The following CEP95 variants were observed in gnomAD, a reference collection of about 807,000 sequenced individuals.
CEP95 encodes centrosomal protein 95.
A neutral mutation model predicts 111.2 loss-of-function variants in CEP95; 98 were observed. That is an observed-to-expected ratio of 0.88 (90% CI 0.75 to 1.04). The LOEUF is 1.04. Ranked by LOEUF, CEP95 falls within the 50% of genes least tolerant of loss-of-function variation. The pLI is 0.00. For synonymous variants in CEP95, 323 were observed against 327.1 expected, an observed-to-expected ratio of 0.99 and a Z score of 0.14; for missense variants, 1,027 against 977.2, an observed-to-expected ratio of 1.05 and a Z score of -0.68.
Position 64,507,796 on chromosome 17 carries a change from G to A in CEP95, c.19+680G>A, listed in dbSNP as rs188528053. On this transcript the variant is annotated intron_variant, in intron 1 of 19. Transcript: ENST00000556440. ...CAGAACGTTACGTGTCCAGAACATA[G>A]TGGAGATGTTTGTTTCTAATACCGA... is the stretch of plus-strand genomic sequence containing the variant. 167 of 985,446 alleles carry A rather than the reference G, an allele frequency of 1.7e-4. No homozygotes were observed. The African/African-American group carries it at 2.6e-3, about 15-fold the overall frequency. 61.0% of individuals were successfully genotyped at this position (985,446 alleles called of 1,614,324 possible).
Position 64,509,762 on chromosome 17 carries a change from G to A in CEP95, c.149-411G>A, listed in dbSNP as rs114573059. Among the ~76,000 whole-genome samples, 348 of 151,384 alleles carry A rather than the reference G, an allele frequency of 2.3e-3. 1 individual carries two copies. Among genetic ancestry groups the A allele is most frequent in the African/African-American group, 8.1e-3 (336 of 41,312 alleles). ...TGCCTGCTGTGTTTTTTTTTTCTTC[G>A]TAGAAAGTAGCCCATAGTTATGGGT... On this transcript the variant is annotated intron_variant, in intron 2 of 19. Transcript: ENST00000556440.
At chr17:64,514,216 A>C (rs1359557702) in intron 3 of CEP95, 32 bp from the exon 4 acceptor site, 3 of 858,734 alleles carry the variant, frequency 3.5e-6, no homozygotes, top group Non-Finnish European at 5.5e-6. Context: ...TTCATGGTTA[A>C]ATTTTTTAAT....
Position 64,506,987 on chromosome 17 carries a change from CTTTGGTT to C in CEP95, c.-110_-104del. The C allele has an allele frequency of 1.6e-6, 2 of 1,272,700 alleles. No homozygotes were observed. The highest frequency in any genetic ancestry group is 2.5e-5 in the South Asian group (2 of 78,482). The allele number at this position is 1,272,700 out of a possible 1,614,324, so 78.8% of individuals were successfully genotyped here. On this transcript the variant is annotated 5_prime_UTR_variant, in exon 1 of 20. Coordinates refer to ENST00000556440, the MANE Select transcript of CEP95 (RefSeq NM_138363.3). ...CTTCTTTCACGCCTCCTTCCCCGCG[CTTTGGTT>C]CGTGCGTCCGCGCCCCAGTGTCGGG...
chr17:64,536,249 G>A (rs1238245909), intron 17 of CEP95: 1 of 158,978 alleles, frequency 6.3e-6, no homozygotes, highest in East Asian at 1.8e-4. Context: ...GATTGCTTGG[G>A]ACCAGCCTGG....
intron 4 of CEP95, among the ~76,000 whole-genome samples, chr17:64,515,179 C>G (rs782107266): frequency 6.6e-6 from 1 of 152,156 alleles, no homozygotes; most frequent in African/African-American, 2.4e-5. Context: ...TTATAGGCGT[C>G]TGGGTACTCT....
chr17:64,509,842 G>A (rs980001134), intron 2 of CEP95, among the ~76,000 whole-genome samples: 13 of 151,410 alleles, frequency 8.6e-5, no homozygotes, highest in African/African-American at 3.2e-4. Flanking sequence ...TTGAATTTAG[G>A]GACCACTTTA....
intron 8 of CEP95, among the ~76,000 whole-genome samples, chr17:64,524,979 A>AAAAC (rs782000780): frequency 1.3e-5 from 2 of 152,000 alleles, no homozygotes; most frequent in African/African-American, 4.8e-5. Context: ...AAAAAACAAA[A>AAAAC]AAACAAACAA....
At chr17:64,519,700 A>G (rs1271506848) in intron 6 of CEP95, among the ~76,000 whole-genome samples, 3 of 152,220 alleles carry the variant, frequency 2.0e-5, no homozygotes, top group Admixed American at 6.5e-5. Flanking sequence ...AGAATTATGG[A>G]TGCAGCTTAT....
intron 16 of CEP95, 27 bp downstream of exon 16, chr17:64,533,218 T>C (rs1555680827): frequency 6.5e-7 from 1 of 1,546,746 alleles, no homozygotes; most frequent in Non-Finnish European, 8.8e-7. Flanking sequence ...TTGGGTATTA[T>C]AATTCTGAAT....
intron 17 of CEP95, 142 bp from the exon 18 acceptor site, chr17:64,536,460 G>A (rs1320063653): frequency 3.6e-6 from 2 of 561,956 alleles, no homozygotes; most frequent in Non-Finnish European, 6.1e-6. Flanking sequence ...GAAAAAGGAG[G>A]TACATTTTAT....
In CEP95 at chr17:64,510,189, T is replaced by C. The variant is rs1555674467; in HGVS notation, c.165T>C (p.Pro55=). Residue 55 remains proline (P), a synonymous_variant, in exon 3 of 20, where the codon CCT becomes CCC. Coordinates refer to ENST00000556440, the MANE Select transcript of CEP95 (RefSeq NM_138363.3). ...CCCCCCCAGACCTCATAGTTATTCCTAGGAGTCAAGAAGATGATGCACACA... is the reference window on the plus strand; with the variant it reads ...CCCCCCCAGACCTCATAGTTATTCCCAGGAGTCAAGAAGATGATGCACACA... The part of the protein sequence containing the change: ...GEKVPDLIVI[P]RSQEDDAHNV... 2 of 1,606,770 alleles carry C rather than the reference T, an allele frequency of 1.2e-6. No homozygotes were observed. Among genetic ancestry groups the C allele is most frequent in the South Asian group, 2.2e-5 (2 of 90,082 alleles).
At chr17:64,531,860 T>C (rs1968304546) in intron 13 of CEP95, 30 bp from the exon 14 acceptor site, 2 of 1,472,516 alleles carry the variant, frequency 1.4e-6, no homozygotes, top group African/African-American at 2.9e-5. Context: ...AGACCTTTTA[T>C]TTTTATTCTG....
intron 1 of CEP95, chr17:64,507,330 A>C (rs868928199): frequency 7.0e-7 from 1 of 1,436,086 alleles, no homozygotes; most frequent in African/African-American, 1.4e-5. Flanking sequence ...GGAGAGAGAG[A>C]GGCACTGGGG....
chr17:64,532,989 A>G lies in CEP95; in HGVS notation c.1823A>G (p.Lys608Arg). The G allele has an allele frequency of 6.2e-7, 1 of 1,611,884 alleles. No homozygotes were observed. The highest frequency in any genetic ancestry group is 8.5e-7 in the Non-Finnish European group (1 of 1,179,412). Residue 608 changes from lysine to arginine, a missense_variant, in exon 15 of 20, where the codon AAG (lysine) becomes AGG (arginine). Coordinates refer to ENST00000556440, the MANE Select transcript of CEP95 (RefSeq NM_138363.3). ...KKEACRENRS[K>R]KKLQDEIEEA... is the part of the protein sequence containing the mutation. ...GAAGCATGTAGAGAAAATCGATCAA[A>G]GAAGAAACTCCAAGATGAAGTAAGT...
intron 10 of CEP95, 111 bp downstream of exon 10, chr17:64,526,311 G>A: frequency 9.4e-7 from 1 of 1,068,366 alleles, no homozygotes; most frequent in Non-Finnish European, 1.3e-6. Flanking sequence ...CTTATTAATA[G>A]TTACTGTGAA....
intron 17 of CEP95, chr17:64,534,992 G>C (rs1490306533): frequency 1.1e-5 from 5 of 438,982 alleles, no homozygotes; most frequent in Admixed American, 1.0e-4. Context: ...CACATAACAG[G>C]TACTTCTCCA....
intron 17 of CEP95, 66 bp downstream of exon 17, chr17:64,534,803 T>C: frequency 1.9e-6 from 3 of 1,547,446 alleles, no homozygotes; most frequent in Middle Eastern, 3.4e-4. Context: ...AGGACCACCT[T>C]CTTTGTTCGT....
chr17:64,508,616 T>C lies in CEP95; in HGVS notation c.44T>C (p.Leu15Pro). 7.0e-7 allele frequency: 1 copy of C among 1,429,664 alleles called. No homozygotes were observed. Among genetic ancestry groups the C allele is most frequent in the Non-Finnish European group, 9.2e-7 (1 of 1,082,550 alleles). The allele number at this position is 1,429,664 out of a possible 1,614,324, so 88.6% of individuals were successfully genotyped here. Residue 15 changes from leucine to proline, a missense_variant, in exon 2 of 20, where the codon CTT becomes CCT. Transcript: ENST00000556440. ...GAGTGGGTAACCATTGCCAATAACC[T>C]TCTTTTTAAGTGTCATATACATCTG... ...DAEWVTIANN[L>P]LFKCHIHLRI...
chr17:64,533,091 TACTTA>T, intron 15 of CEP95, 21 bp from the exon 16 acceptor site: 1 of 1,606,456 alleles, frequency 6.2e-7, no homozygotes, highest in Non-Finnish European at 8.5e-7. Context: ...ATTATTAACC[TACTTA>T]ACTTCATGTC....
Sources: allele counts gnomAD v4.1 joint callset (sites outside exome capture counted in the v4.1 genomes callset), GRCh38; gene constraint gnomAD v4.1.1; transcripts MANE v1.5; gene names NCBI Gene and HGNC (gene_info 2026-07-23, HGNC 2026-07-21).